Variants in ZNF292 observed in about 807,000 individuals in gnomAD.
ZNF292 encodes the protein 16 zinc-finger domain protein.
ZNF292 carries 26 observed loss-of-function variants against 217.9 expected under a neutral mutation model. The observed-to-expected ratio is 0.12, with a 90% CI of 0.09 to 0.17. The LOEUF is 0.17. Among genes scored for constraint, ZNF292 ranks in the 10% least tolerant of loss-of-function variants. The pLI, the probability that ZNF292 is intolerant of heterozygous loss-of-function variation, is 1.00. For synonymous variants in ZNF292, 1,257 were observed against 1,124.1 expected (o/e 1.12, Z -2.37); for missense variants, 2,904 against 3,175.2 (o/e 0.91, Z 2.05).
chr6:87,247,375 A>G (rs1019751988), intron 7 of ZNF292, among the ~76,000 whole-genome samples: 8 of 152,110 alleles, frequency 5.3e-5, no homozygotes, highest in Admixed American at 2.6e-4. Flanking sequence ...GGTAGACTAG[A>G]AAAATAATAC....
At chr6:87,183,885 T>C (rs1183734454) in intron 1 of ZNF292, among the ~76,000 whole-genome samples, 1 of 152,212 alleles carries the variant, frequency 6.6e-6, no homozygotes, top group African/African-American at 2.4e-5. Flanking sequence ...CTGAGTCTTT[T>C]GATGAGGTCA....
At chr6:87,251,243 C>T (rs1416350126) in intron 7 of ZNF292, among the ~76,000 whole-genome samples, 1 of 152,140 alleles carries the variant, frequency 6.6e-6, no homozygotes, top group African/African-American at 2.4e-5. Context: ...GTATTCCACA[C>T]TAAGGTTTAT....
Position 87,261,161 on chromosome 6 carries a change from G to T in ZNF292, c.7532G>T (p.Ser2511Ile). The change falls in exon 8 of 8, where the codon AGT (serine) becomes ATT (isoleucine). Residue 2511 changes from serine to isoleucine, a missense_variant. By Grantham distance (142) the Ser-to-Ile change is moderately radical. This residue lies in a region of ZNF292 where 380 missense variants were observed against 355.3 expected (regional missense o/e 1.07). Transcript: ENST00000369577. ...CAAGCTAATACTTCTTCAAATGTAA[G>T]TAATGATTTTCAGGAAGATAACCTC... is the stretch of plus-strand genomic sequence containing the variant. ...ETQANTSSNVSNDFQEDNLCQ... is the reference protein window; with the variant it reads ...ETQANTSSNVINDFQEDNLCQ... 3 of 1,613,114 alleles carry T rather than the reference G, an allele frequency of 1.9e-6. No individual in the cohort carries two copies. The highest frequency in any genetic ancestry group is 2.5e-6 in the Non-Finnish European group (3 of 1,179,564).
rs565714620 is a variant in ZNF292, at chr6:87,176,120, C to T, written c.168+20361C>T. 9.2e-5 allele frequency among the ~76,000 whole-genome samples: 14 copies of T among 152,288 alleles called. No homozygotes were observed. The South Asian group carries it at 2.9e-3, about 32-fold the overall frequency. On this transcript the variant is annotated intron_variant, in intron 1 of 7. Coordinates refer to ENST00000369577, the MANE Select transcript of ZNF292 (RefSeq NM_015021.3). ...AAGAAAAAGTATTAGCTTTTTCCCACCTGTCACTAGGTTCGTGGCTGAGTC... is the reference window on the plus strand; with the variant it reads ...AAGAAAAAGTATTAGCTTTTTCCCATCTGTCACTAGGTTCGTGGCTGAGTC...
chr6:87,202,613 T>G (rs1040683073), intron 1 of ZNF292, among the ~76,000 whole-genome samples: 1 of 152,206 alleles, frequency 6.6e-6, no homozygotes, highest in African/African-American at 2.4e-5. Context: ...ACTCCCAGAA[T>G]GTAGTTTGCT....
intron 1 of ZNF292, among the ~76,000 whole-genome samples, chr6:87,203,133 CTTTTTTTTTTTT>C (rs67229216): frequency 1.7e-5 from 2 of 116,248 alleles, no homozygotes; most frequent in Non-Finnish European, 3.4e-5. Context: ...ATATATTTTC[CTTTTTTTTTTTT>C]TTTTTTTTTA....
chr6:87,164,490 G>A (rs1266657741), intron 1 of ZNF292, among the ~76,000 whole-genome samples: 12 of 152,134 alleles, frequency 7.9e-5, no homozygotes, highest in Non-Finnish European at 2.9e-5. Context: ...TGATTCTTTA[G>A]GGACCATTTC....
intron 1 of ZNF292, among the ~76,000 whole-genome samples, chr6:87,192,640 T>C (rs770570679): frequency 3.9e-5 from 6 of 152,190 alleles, no homozygotes; most frequent in Non-Finnish European, 7.4e-5. Flanking sequence ...TCCACACATA[T>C]AGACAATGCC....
intron 3 of ZNF292, among the ~76,000 whole-genome samples, chr6:87,216,978 A>C (rs1020683844): frequency 2.0e-5 from 3 of 152,096 alleles, no homozygotes; most frequent in Admixed American, 2.0e-4. Context: ...GTAGTCTTGA[A>C]GTTTTTTCAA....
chr6:87,192,469 A>G (rs558362048), intron 1 of ZNF292, among the ~76,000 whole-genome samples: 21 of 152,140 alleles, frequency 1.4e-4, no homozygotes, highest in South Asian at 4.1e-4. Flanking sequence ...GTACATTCCA[A>G]TATACACTGT....
intron 5 of ZNF292, among the ~76,000 whole-genome samples, chr6:87,239,005 C>G (rs9362413): frequency 0.45 from 65,297 of 145,300 alleles, 9,501 homozygotes; most frequent in Admixed American, 0.52. Flanking sequence ...GGGGTAAGGT[C>G]ATAGATCAAC....
chr6:87,156,269 G>A (rs1770535568), intron 1 of ZNF292, among the ~76,000 whole-genome samples: 1 of 152,162 alleles, frequency 6.6e-6, no homozygotes, highest in South Asian at 2.1e-4. Context: ...CCGGGCCTTT[G>A]TTGTTCGAGT....
chr6:87,233,534 A>G lies in ZNF292; in HGVS notation c.741+7A>G, dbSNP rs1440034427. The G allele has an allele frequency of 6.3e-7, 1 of 1,589,946 alleles. No individual in the cohort carries two copies. Among genetic ancestry groups the G allele is most frequent in the Non-Finnish European group, 8.6e-7 (1 of 1,167,982 alleles). On this transcript the variant is annotated splice_region_variant and intron_variant, in intron 5 of 7. Coordinates refer to ENST00000369577, the MANE Select transcript of ZNF292 (RefSeq NM_015021.3). ...TGGAAAGTTAATCGAAGAGGTGAGT[A>G]TGTTTTCTTTCATTAGTAATTATTT...
At chr6:87,216,182 T>G in intron 2 of ZNF292, 117 bp from the exon 3 acceptor site, 1 of 1,344,232 alleles carries the variant, frequency 7.4e-7, no homozygotes, top group South Asian at 1.4e-5. Context: ...GTCTTATAGT[T>G]TAATTTTAAA....
rs139750184 is a variant in ZNF292 at position 87,222,470 on chromosome 6, C to G, written c.538+3739C>G. On this transcript the variant is annotated intron_variant, in intron 4 of 7. Transcript: ENST00000369577. ...TGGCTGTGACAGTTTTTCAGACTTT[C>G]CTTGTTTTTGACAAATGTTTGGCTA... 5.3e-5 allele frequency among the ~76,000 whole-genome samples: 8 copies of G among 152,116 alleles called. No homozygotes were observed. The East Asian group carries it at 1.4e-3, about 26-fold the overall frequency.
At chr6:87,157,630 T>TC (rs916552130) in intron 1 of ZNF292, among the ~76,000 whole-genome samples, 83 of 152,194 alleles carry the variant, frequency 5.5e-4, no homozygotes, top group East Asian at 1.7e-3. Context: ...CAAGCTGGAC[T>TC]CCCCCCCGCT....
At chr6:87,252,368 G>T (rs1258180649) in intron 7 of ZNF292, among the ~76,000 whole-genome samples, 1 of 152,006 alleles carries the variant, frequency 6.6e-6, no homozygotes, top group Non-Finnish European at 1.5e-5. Flanking sequence ...GGCCAGGCTG[G>T]TCTCAAACTT....
rs780219218 is a variant in ZNF292, at chr6:87,257,946, A to G, written c.4317A>G (p.Gln1439=). ...TNAVNLQQPQ[Q]STFNPEACFK... ...CAGTAAATTTGCAGCAGCCACAACA[A>G]TCTACCTTCAATCCAGAAGCATGTT... The change falls in exon 8 of 8, where the codon CAA becomes CAG. Residue 1439 remains glutamine, a synonymous_variant. Coordinates refer to ENST00000369577, the MANE Select transcript of ZNF292 (RefSeq NM_015021.3). The G allele has an allele frequency of 8.1e-6, 13 of 1,613,762 alleles. No homozygotes were observed. The highest frequency in any genetic ancestry group is 1.6e-4 in the Middle Eastern group (1 of 6,084).
chr6:87,244,545 T>C (rs2127841900), intron 6 of ZNF292, among the ~76,000 whole-genome samples: 1 of 152,310 alleles, frequency 6.6e-6, no homozygotes, highest in East Asian at 1.9e-4. Context: ...AAGTTTATGT[T>C]TAAGAAACAC....
Sources: allele counts gnomAD v4.1 joint callset (sites outside exome capture counted in the v4.1 genomes callset), GRCh38; gene constraint gnomAD v4.1.1; regional missense constraint gnomAD v4.1.1; transcripts MANE v1.5; gene names NCBI Gene and HGNC (gene_info 2026-07-23, HGNC 2026-07-21).